PPP6R3: variants seen among roughly 807,000 people sequenced by gnomAD.
PPP6R3 encodes the protein protein phosphatase 6 regulatory subunit 3.
Under a neutral mutation model 110.7 loss-of-function variants are expected in PPP6R3, and 38 were observed. The ratio of observed to expected loss-of-function variants is 0.34; its 90% CI spans 0.26 to 0.45. The LOEUF (loss-of-function observed/expected upper bound fraction) is 0.45. Ranked by LOEUF, PPP6R3 falls within the 20% of genes least tolerant of loss-of-function variation. PPP6R3 has a pLI of 1.00. For synonymous variants in PPP6R3, 369 were observed against 373.5 expected, an observed-to-expected ratio of 0.99 and a Z score of 0.14; for missense variants, 870 against 1,062.4, an observed-to-expected ratio of 0.82 and a Z score of 2.52.
chr11:68,567,962 G>GT (rs913826471), intron 10 of PPP6R3, among the ~76,000 whole-genome samples: 45 of 152,216 alleles, frequency 3.0e-4, no homozygotes, highest in African/African-American at 1.1e-3. Context: ...GAGAGGATGT[G>GT]TTTTTCAGAT....
At chr11:68,525,850 T>C (rs2099194495) in intron 2 of PPP6R3, among the ~76,000 whole-genome samples, 1 of 152,228 alleles carries the variant, frequency 6.6e-6, no homozygotes, top group Admixed American at 6.5e-5. Context: ...TAAATGACCA[T>C]TGTCACTTAC....
intron 1 of PPP6R3, among the ~76,000 whole-genome samples, chr11:68,471,815 G>A (rs2098793826): frequency 6.6e-6 from 1 of 152,094 alleles, no homozygotes; most frequent in African/African-American, 2.4e-5. Flanking sequence ...GAAGTGGGTG[G>A]GTGCCCATGT....
Position 68,609,514 on chromosome 11 carries a change from G to A in PPP6R3, c.2451-390G>A. 2.2e-6 allele frequency: 3 copies of A among 1,340,174 alleles called. No homozygotes were observed. The East Asian group carries it at 7.5e-5, about 34-fold the overall frequency. The allele number at this position is 1,340,174 out of a possible 1,614,324, so 83.0% of individuals were successfully genotyped here. On this transcript the variant is annotated intron_variant, in intron 22 of 23. Coordinates refer to ENST00000393800, the MANE Select transcript of PPP6R3 (RefSeq NM_001164161.2). ...ACCGAGTCTGCAGTTTTGCTTACGTGCAGTCGTGGACATATTATTCCCCCA... is the reference window on the plus strand; with the variant it reads ...ACCGAGTCTGCAGTTTTGCTTACGTACAGTCGTGGACATATTATTCCCCCA...
intron 22 of PPP6R3, among the ~76,000 whole-genome samples, chr11:68,607,492 C>T (rs1940824074): frequency 6.6e-6 from 1 of 152,224 alleles, no homozygotes; most frequent in South Asian, 2.1e-4. Context: ...GCCCTGCTCT[C>T]TACACTCTCC....
intron 1 of PPP6R3, among the ~76,000 whole-genome samples, chr11:68,488,200 G>A (rs1361664698): frequency 6.6e-6 from 1 of 152,044 alleles, no homozygotes; most frequent in African/African-American, 2.4e-5. Flanking sequence ...TTTGATTAGA[G>A]TTAACATGAT....
intron 2 of PPP6R3, among the ~76,000 whole-genome samples, chr11:68,537,451 T>C (rs546397407): frequency 1.3e-5 from 2 of 152,328 alleles, no homozygotes; most frequent in East Asian, 3.9e-4. Flanking sequence ...TCAAAATTTT[T>C]TATCTATTAA....
At chr11:68,499,297 C>T (rs185290297) in intron 1 of PPP6R3, among the ~76,000 whole-genome samples, 232 of 152,150 alleles carry the variant, frequency 1.5e-3, no homozygotes, top group Admixed American at 3.1e-3. Flanking sequence ...TTCATGGATC[C>T]GCTGGAGGAT....
intron 22 of PPP6R3, 186 bp from the exon 23 acceptor site, chr11:68,609,718 C>A (rs776975221): frequency 1.3e-6 from 2 of 1,566,858 alleles, no homozygotes; most frequent in East Asian, 2.2e-5. Flanking sequence ...GCGACCCTTT[C>A]CTTTTGTGAT....
intron 17 of PPP6R3, 95 bp downstream of exon 17, chr11:68,590,809 T>A (rs1593733882): frequency 3.7e-6 from 5 of 1,342,508 alleles, no homozygotes; most frequent in Non-Finnish European, 4.9e-6. Flanking sequence ...ACCCCTGTGC[T>A]CTAGAGCCCT....
chr11:68,564,868 G>A (rs572532501), intron 9 of PPP6R3, among the ~76,000 whole-genome samples: 1 of 152,306 alleles, frequency 6.6e-6, no homozygotes, highest in South Asian at 2.1e-4. Context: ...GAGAGAATAT[G>A]ATTTGGGGGT....
chr11:68,475,688 C>A (rs1368507066), intron 1 of PPP6R3, among the ~76,000 whole-genome samples: 1 of 150,806 alleles, frequency 6.6e-6, no homozygotes, highest in Non-Finnish European at 1.5e-5. Flanking sequence ...GGCTGCCCCC[C>A]ACCTCCCTCC....
Position 68,570,524 on chromosome 11 carries a change from C to T in PPP6R3, c.1279-516C>T, listed in dbSNP as rs149531313. Among the ~76,000 whole-genome samples, 25 of 152,342 alleles carry T rather than the reference C, an allele frequency of 1.6e-4. No homozygotes were observed. In the East Asian group the frequency reaches 4.0e-3, roughly 25 times the overall value. Reference sequence around the variant, plus strand: ...CTGAGAAGAACTAGCCCTGCACATTCCAGTATTGCAGCCTACAGCAGTTGT... The same window carrying T: ...CTGAGAAGAACTAGCCCTGCACATTTCAGTATTGCAGCCTACAGCAGTTGT... On this transcript the variant is annotated intron_variant, in intron 11 of 23. Coordinates refer to ENST00000393800, the MANE Select transcript of PPP6R3 (RefSeq NM_001164161.2).
intron 1 of PPP6R3, among the ~76,000 whole-genome samples, chr11:68,491,180 C>T (rs930027755): frequency 1.3e-5 from 2 of 152,044 alleles, no homozygotes; most frequent in African/African-American, 4.8e-5. Context: ...AAGCGAGATC[C>T]TGTCTCCAAA....
Position 68,596,215 on chromosome 11 carries a change from G to T in PPP6R3, c.2035G>T (p.Glu679Ter). 6.2e-7 allele frequency: 1 copy of T among 1,614,212 alleles called. No homozygotes were observed. Among genetic ancestry groups the T allele is most frequent in the South Asian group, 1.1e-5 (1 of 91,084 alleles). The change falls in exon 19 of 24, where the codon GAA (glutamate) becomes TAA (stop). Residue 679 changes from glutamate (E) to a stop codon, truncating the protein, a stop_gained. Coordinates refer to ENST00000393800, the MANE Select transcript of PPP6R3 (RefSeq NM_001164161.2). LOFTEE classifies it high-confidence loss of function. ...TEDKMEVDLS[E>*]PPNWSANFDV... is the part of the protein sequence containing the mutation. ...GGATAAAATGGAGGTGGACCTGAGT[G>T]AACGTAAGTGGATTCATTCTTCAGA...
intron 16 of PPP6R3, among the ~76,000 whole-genome samples, 153 bp downstream of exon 16, chr11:68,588,177 C>T (rs369946020): frequency 1.3e-5 from 2 of 152,070 alleles, no homozygotes; most frequent in South Asian, 4.2e-4. Context: ...GCAGATTGGC[C>T]CTGGGACTGG....
intron 15 of PPP6R3, among the ~76,000 whole-genome samples, chr11:68,584,084 A>G (rs1343337201): frequency 1.3e-5 from 2 of 152,198 alleles, no homozygotes; most frequent in Non-Finnish European, 2.9e-5. Flanking sequence ...ACCTTTCCCA[A>G]ATAGGTCTGA....
intron 8 of PPP6R3, 42 bp downstream of exon 8, chr11:68,558,721 T>C: frequency 6.9e-7 from 1 of 1,457,932 alleles, no homozygotes; most frequent in South Asian, 1.2e-5. Flanking sequence ...CATGTTGTTT[T>C]GCTTTCAGAT....
At chr11:68,487,738 T>C (rs1381023404) in intron 1 of PPP6R3, among the ~76,000 whole-genome samples, 2 of 152,232 alleles carry the variant, frequency 1.3e-5, no homozygotes, top group African/African-American at 4.8e-5. Context: ...AATTTCATTG[T>C]GGTCTGAGAG....
chr11:68,510,695 A>G (rs528488751), intron 1 of PPP6R3, among the ~76,000 whole-genome samples: 2 of 152,266 alleles, frequency 1.3e-5, no homozygotes, highest in South Asian at 2.1e-4. Flanking sequence ...TTTGGAGTCA[A>G]CTATTCTAGA....
Sources: gnomAD v4.1 joint callset for allele counts (sites outside exome capture counted in the v4.1 genomes callset) on GRCh38, gnomAD v4.1.1 for gene constraint, MANE v1.5 for transcripts, NCBI Gene and HGNC (gene_info 2026-07-23, HGNC 2026-07-21) for gene names.